TMEFF2: variants seen among roughly 807,000 people sequenced by gnomAD.
TMEFF2 encodes the protein tomoregulin-2.
TMEFF2 carries 28 observed loss-of-function variants against 53.8 expected under a neutral mutation model. The observed-to-expected ratio is 0.52, with a 90% CI of 0.39 to 0.71. TMEFF2 has a LOEUF of 0.71. TMEFF2 is among the 30% of genes least tolerant of loss of function. The probability of loss-of-function intolerance (pLI) is 0.00; values close to 1 mark genes in which losing one functional copy is unlikely to be tolerated. For synonymous variants in TMEFF2, 162 were observed against 166.3 expected (o/e 0.97, Z 0.20); for missense variants, 353 against 455.2 (o/e 0.78, Z 2.04).
chr2:191,957,711 A>G (rs994228536), intron 7 of TMEFF2, among the ~76,000 whole-genome samples: 13 of 152,202 alleles, frequency 8.5e-5, no homozygotes, highest in African/African-American at 2.9e-4. Flanking sequence ...ATGATGGGCA[A>G]TATTTTATGT....
intron 5 of TMEFF2, among the ~76,000 whole-genome samples, chr2:192,003,938 G>GGGGGC (rs56274230): frequency 3.4e-5 from 5 of 145,750 alleles, no homozygotes; most frequent in Non-Finnish European, 6.1e-5. Flanking sequence ...TGGGGGGGGG[G>GGGGGC]CTCACACTCA....
At chr2:191,951,647 C>CA (rs1691886683) in intron 9 of TMEFF2, among the ~76,000 whole-genome samples, 1 of 151,992 alleles carries the variant, frequency 6.6e-6, no homozygotes, top group Non-Finnish European at 1.5e-5. Context: ...GGTTTGGAGA[C>CA]AGACAGCCTA....
chr2:192,001,297 T>G (rs1041235875), intron 5 of TMEFF2, among the ~76,000 whole-genome samples: 16 of 152,150 alleles, frequency 1.1e-4, no homozygotes, highest in African/African-American at 3.9e-4. Flanking sequence ...TATTAGGGCT[T>G]TGACGGTATA....
chr2:191,988,803 T>G (rs200565653), intron 7 of TMEFF2, among the ~76,000 whole-genome samples: 2 of 127,826 alleles, frequency 1.6e-5, no homozygotes, highest in African/African-American at 5.8e-5. Context: ...GGTTTTTTTT[T>G]TTTGTTTTTT....
At chr2:192,132,038 C>G (rs982674103) in intron 4 of TMEFF2, among the ~76,000 whole-genome samples, 39 of 152,222 alleles carry the variant, frequency 2.6e-4, no homozygotes, top group African/African-American at 9.1e-4. Flanking sequence ...TCCCCTCAGT[C>G]CCAACCCCAA....
At chr2:192,179,721 A>G in intron 3 of TMEFF2, 27 bp from the exon 4 acceptor site, 1 of 1,519,418 alleles carries the variant, frequency 6.6e-7, no homozygotes, top group Non-Finnish European at 8.7e-7. Flanking sequence ...TATATTTGCT[A>G]GTAAAACATA....
chr2:191,973,516 GT>G (rs990789746), intron 7 of TMEFF2, among the ~76,000 whole-genome samples: 1 of 151,986 alleles, frequency 6.6e-6, no homozygotes, highest in Non-Finnish European at 1.5e-5. Context: ...TATAGATACG[GT>G]TTTTTCTTTG....
rs552420004 is a variant in TMEFF2, at chr2:192,065,315, A to G, written c.440-7540T>C. On this transcript the variant is annotated intron_variant, in intron 4 of 9. Transcript: ENST00000272771. ...ACGTCCCATTTAAATTAAGCATAGC[A>G]TAACATTAAATGCAGTATAAATGTG... Among the ~76,000 whole-genome samples the G allele has an allele frequency of 3.0e-4, 46 of 152,000 alleles. No homozygotes were observed. The South Asian group carries it at 9.5e-3, about 31-fold the overall frequency.
At chr2:191,986,556 CTT>C (rs11451195) in intron 7 of TMEFF2, among the ~76,000 whole-genome samples, 3 of 142,866 alleles carry the variant, frequency 2.1e-5, no homozygotes, top group Non-Finnish European at 3.0e-5. Flanking sequence ...GGACAACTAT[CTT>C]TTTTTTTTTT....
intron 9 of TMEFF2, among the ~76,000 whole-genome samples, chr2:191,952,433 A>ATTAG (rs1026109534): frequency 1.4e-4 from 22 of 152,304 alleles, no homozygotes; most frequent in African/African-American, 5.1e-4. Flanking sequence ...TTGGCTAGAT[A>ATTAG]TTAGAGTAAT....
intron 5 of TMEFF2, among the ~76,000 whole-genome samples, chr2:192,008,074 C>CT (rs1197219254): frequency 6.6e-6 from 1 of 152,168 alleles, no homozygotes; most frequent in African/African-American, 2.4e-5. Flanking sequence ...GGAGAGTTTT[C>CT]TGCCCTCACT....
At chr2:192,032,107 A>G (rs1176597529) in intron 5 of TMEFF2, 1 of 152,200 alleles carries the variant, frequency 6.6e-6, no homozygotes, top group Non-Finnish European at 1.5e-5. Flanking sequence ...GAAGGATCTC[A>G]TAAGATATAT....
At chr2:192,069,935 A>T (rs1385234654) in intron 4 of TMEFF2, among the ~76,000 whole-genome samples, 5 of 131,414 alleles carry the variant, frequency 3.8e-5, no homozygotes, top group Admixed American at 3.2e-4. Flanking sequence ...AAATTAATCA[A>T]TTTCCCTGTT....
chr2:191,969,301 A>G (rs1374152284), intron 7 of TMEFF2, among the ~76,000 whole-genome samples: 1 of 152,128 alleles, frequency 6.6e-6, no homozygotes, highest in Non-Finnish European at 1.5e-5. Flanking sequence ...TGGCTTTGAA[A>G]AAATTAATGC....
intron 8 of TMEFF2, among the ~76,000 whole-genome samples, chr2:191,954,120 C>T (rs945851511): frequency 7.9e-5 from 12 of 152,132 alleles, no homozygotes; most frequent in African/African-American, 2.7e-4. Flanking sequence ...ATTTCCTGAC[C>T]TCGTGATCCG....
chr2:192,171,096 C>T (rs920778549), intron 4 of TMEFF2, among the ~76,000 whole-genome samples: 1 of 151,974 alleles, frequency 6.6e-6, no homozygotes, highest in Admixed American at 6.6e-5. Context: ...CATTCCTATG[C>T]CTTAAATACT....
chr2:192,169,095 A>G (rs897660248), intron 4 of TMEFF2, among the ~76,000 whole-genome samples: 4 of 152,118 alleles, frequency 2.6e-5, no homozygotes, highest in Non-Finnish European at 5.9e-5. Context: ...ACTAAGCACC[A>G]GGCTTTCTTT....
chr2:191,975,993 GT>G (rs1469922327), intron 7 of TMEFF2, among the ~76,000 whole-genome samples: 1 of 152,106 alleles, frequency 6.6e-6, no homozygotes, highest in Non-Finnish European at 1.5e-5. Flanking sequence ...ATTTCTCAGT[GT>G]TTTCTAAAGG....
intron 4 of TMEFF2, among the ~76,000 whole-genome samples, chr2:192,163,602 T>G (rs1048984542): frequency 6.6e-6 from 1 of 152,240 alleles, no homozygotes; most frequent in African/African-American, 2.4e-5. Flanking sequence ...ATACTCAGGC[T>G]TTATTGAAAA....
Sources: allele counts gnomAD v4.1 joint callset (sites outside exome capture counted in the v4.1 genomes callset), GRCh38; gene constraint gnomAD v4.1.1; transcripts MANE v1.5; gene names NCBI Gene and HGNC (gene_info 2026-07-23, HGNC 2026-07-21).